TMEM132C: variants seen among roughly 807,000 people sequenced by gnomAD.
The protein encoded by TMEM132C is transmembrane protein 132C, also known as protein phosphatase 1, regulatory subunit 152.
TMEM132C carries 29 observed loss-of-function variants against 61.4 expected under a neutral mutation model. That is an observed-to-expected ratio of 0.47 (90% CI 0.35 to 0.64). The LOEUF (loss-of-function observed/expected upper bound fraction) is 0.64. Ranked by LOEUF, TMEM132C falls within the 30% of genes least tolerant of loss-of-function variation. The pLI, the probability that TMEM132C is intolerant of heterozygous loss-of-function variation, is 0.00. For missense variants in TMEM132C, 1,408 were observed against 1,476.9 expected, an observed-to-expected ratio of 0.95 and a Z score of 0.76; for synonymous variants, 656 against 633.1, an observed-to-expected ratio of 1.04 and a Z score of -0.54.
chr12:128,435,303 G>A (rs547349433), intron 2 of TMEM132C, among the ~76,000 whole-genome samples: 8 of 152,188 alleles, frequency 5.3e-5, no homozygotes, highest in South Asian at 2.1e-4. Flanking sequence ...TTGCCAGTCC[G>A]GTGACCCAAC....
intron 8 of TMEM132C, among the ~76,000 whole-genome samples, chr12:128,701,246 T>TA (rs35380407): frequency 0.53 from 75,322 of 143,118 alleles, 19,381 homozygotes; most frequent in African/African-American, 0.62. Flanking sequence ...AAAAATAAGT[T>TA]AAAAAAAAAA....
intron 4 of TMEM132C, among the ~76,000 whole-genome samples, chr12:128,664,201 GGC>G (rs1234627246): frequency 2.9e-4 from 27 of 93,168 alleles, no homozygotes; most frequent in Middle Eastern, 7.0e-3. Flanking sequence ...CACTCACACA[GGC>G]ACACACACAT....
chr12:128,412,184 G>A (rs1868581570), intron 1 of TMEM132C, among the ~76,000 whole-genome samples: 1 of 152,008 alleles, frequency 6.6e-6, no homozygotes, highest in African/African-American at 2.4e-5. Flanking sequence ...CTTTCCATTT[G>A]TAACCAATTC....
intron 2 of TMEM132C, among the ~76,000 whole-genome samples, chr12:128,519,744 T>C (rs1464309608): frequency 6.6e-6 from 1 of 152,162 alleles, no homozygotes; most frequent in Non-Finnish European, 1.5e-5. Context: ...TAGAAGTCCT[T>C]GGCCAGTCAA....
intron 5 of TMEM132C, among the ~76,000 whole-genome samples, chr12:128,693,203 AG>A (rs756115108): frequency 3.3e-4 from 50 of 152,274 alleles, no homozygotes; most frequent in Admixed American, 9.8e-4. Context: ...CCTCAGAATT[AG>A]TGAGAATCAT....
rs773494637 is a variant in TMEM132C at position 128,640,108 on chromosome 12, T to C, written c.1305+23773T>C. On this transcript the variant is annotated intron_variant, in intron 4 of 8. Transcript: ENST00000435159. Reference sequence around the variant, plus strand: ...TTTGGATCAGGCGTGGGCTGGGGTTTACAATAATTTCTACAAAGTCCATTT... The same window carrying C: ...TTTGGATCAGGCGTGGGCTGGGGTTCACAATAATTTCTACAAAGTCCATTT... Among the ~76,000 whole-genome samples, 43 of 152,324 alleles carry C rather than the reference T, an allele frequency of 2.8e-4. No individual in the cohort carries two copies. The Middle Eastern group carries it at 0.014, about 48-fold the overall frequency.
At chr12:128,327,755 G>A (rs1455715222) in intron 1 of TMEM132C, among the ~76,000 whole-genome samples, 1 of 152,110 alleles carries the variant, frequency 6.6e-6, no homozygotes, top group Non-Finnish European at 1.5e-5. Flanking sequence ...CATTGGTTCG[G>A]TCCAGAAAGG....
In TMEM132C at chr12:128,596,110, T is replaced by G. The variant is rs1203332217; in HGVS notation, c.1122-20042T>G. ...GGCAGCAGGGCTTCACTGATCCCGT[T>G]TTCTGTCCATCACACTGGGCTGCCC... On this transcript the variant is annotated intron_variant, in intron 3 of 8. Coordinates refer to ENST00000435159, the MANE Select transcript of TMEM132C (RefSeq NM_001136103.3). 1.9e-3 allele frequency among the ~76,000 whole-genome samples: 209 copies of G among 107,990 alleles called. 1 individual carries two copies. The highest frequency in any genetic ancestry group is 0.015 in the Middle Eastern group (2 of 134). The allele number at this position is 107,990 out of a possible 152,430, so 70.8% of individuals were successfully genotyped here.
chr12:128,482,077 TAGTTTATTGAG>T (rs1871330374), intron 2 of TMEM132C, among the ~76,000 whole-genome samples: 1 of 152,198 alleles, frequency 6.6e-6, no homozygotes, highest in Admixed American at 6.5e-5. Flanking sequence ...CATTAATGCC[TAGTTTATTGAG>T]AGTTTTTAGC....
intron 1 of TMEM132C, among the ~76,000 whole-genome samples, chr12:128,290,809 C>T (rs1334327730): frequency 1.4e-5 from 2 of 143,298 alleles, no homozygotes; most frequent in African/African-American, 2.6e-5. Context: ...GCCAAAAGAA[C>T]AACAAATAGA....
Position 128,680,476 on chromosome 12 carries a change from C to T in TMEM132C, c.1449+10916C>T, listed in dbSNP as rs112530047. 7.0e-4 allele frequency among the ~76,000 whole-genome samples: 106 copies of T among 152,328 alleles called. 1 individual carries two copies. The highest frequency in any genetic ancestry group is 2.4e-3 in the African/African-American group (100 of 41,578). Reference sequence around the variant, plus strand: ...CGCTGCCCAGTATGACAGCTGCTAACCATGTGTGACTATTTAAATTAGTTA... The same window carrying T: ...CGCTGCCCAGTATGACAGCTGCTAATCATGTGTGACTATTTAAATTAGTTA... On this transcript the variant is annotated intron_variant, in intron 5 of 8. Transcript: ENST00000435159.
chr12:128,486,129 C>A (rs888300139), intron 2 of TMEM132C, among the ~76,000 whole-genome samples: 4 of 152,154 alleles, frequency 2.6e-5, no homozygotes. Flanking sequence ...CTCGGCGACA[C>A]CTTCTGGACC....
At chr12:128,634,947 A>G (rs981497780) in intron 4 of TMEM132C, among the ~76,000 whole-genome samples, 7 of 152,244 alleles carry the variant, frequency 4.6e-5, no homozygotes, top group Admixed American at 4.6e-4. Flanking sequence ...GTATATGAGC[A>G]GTAGATAGTT....
At chr12:128,577,868 G>A (rs148779246) in intron 3 of TMEM132C, among the ~76,000 whole-genome samples, 8 of 152,242 alleles carry the variant, frequency 5.3e-5, no homozygotes, top group African/African-American at 1.2e-4. Flanking sequence ...CCTTCTTCGC[G>A]GCTCCCCTCA....
chr12:128,408,005 T>C (rs1041275675), intron 1 of TMEM132C, among the ~76,000 whole-genome samples: 15 of 151,220 alleles, frequency 9.9e-5, no homozygotes, highest in Non-Finnish European at 1.5e-4. Context: ...TTAGCCACTA[T>C]ACAAGGCCTT....
intron 3 of TMEM132C, among the ~76,000 whole-genome samples, chr12:128,571,438 A>G (rs1417174130): frequency 6.6e-6 from 1 of 152,246 alleles, no homozygotes; most frequent in Non-Finnish European, 1.5e-5. Context: ...ACATTTAAGC[A>G]TACAGTTCAG....
chr12:128,705,375 G>C lies in TMEM132C; in HGVS notation c.2407G>C (p.Asp803His), dbSNP rs999891946. 1.1e-5 allele frequency: 17 copies of C among 1,551,236 alleles called. No homozygotes were observed. The African/African-American group carries it at 1.4e-4, about 12-fold the overall frequency. Residue 803 changes from aspartate to histidine, a missense_variant, in exon 9 of 9, where the codon GAT becomes CAT. Asp to His is a moderately conservative substitution (Grantham distance 81). Transcript: ENST00000435159. ...GNVRVKFGQN[D>H]ADSSPGGDYE... ...CGTCAGGGTCAAGTTCGGACAGAAC[G>C]ATGCTGACTCCAGCCCCGGCGGGGA...
chr12:128,289,715 T>C (rs1030756537), intron 1 of TMEM132C, among the ~76,000 whole-genome samples: 7 of 152,228 alleles, frequency 4.6e-5, no homozygotes, highest in Admixed American at 4.6e-4. Flanking sequence ...TGGCCTATAT[T>C]GGTATCATCT....
chr12:128,279,508 G>A (rs996656638), intron 1 of TMEM132C, among the ~76,000 whole-genome samples: 3 of 152,022 alleles, frequency 2.0e-5, no homozygotes, highest in African/African-American at 7.3e-5. Flanking sequence ...GATCTACAAG[G>A]CGCTCTGTAA....
Sources: allele counts gnomAD v4.1 joint callset (sites outside exome capture counted in the v4.1 genomes callset), GRCh38; gene constraint gnomAD v4.1.1; transcripts MANE v1.5; gene names NCBI Gene and HGNC (gene_info 2026-07-23, HGNC 2026-07-21).